SOX5: variants seen among roughly 807,000 people sequenced by gnomAD.
SOX5 encodes the protein transcription factor SOX-5.
SOX5 carries 9 observed loss-of-function variants against 92.0 expected under a neutral mutation model. That is an observed-to-expected ratio of 0.10 (90% confidence interval 0.06 to 0.17). SOX5 has a LOEUF of 0.17. SOX5 is among the 10% of genes least tolerant of loss of function. The pLI is 1.00. For missense variants in SOX5, 642 were observed against 944.5 expected (o/e 0.68, Z 4.20); for synonymous variants, 344 against 336.3 (o/e 1.02, Z -0.25).
At chr12:24,456,730 G>A (rs1943060950) in intron 1 of SOX5, among the ~76,000 whole-genome samples, 1 of 152,158 alleles carries the variant, frequency 6.6e-6, no homozygotes, top group African/African-American at 2.4e-5. Context: ...GGCTCACCAA[G>A]TTTGCAAATG....
At chr12:23,750,784 T>A (rs2094155904) in intron 4 of SOX5, among the ~76,000 whole-genome samples, 1 of 151,870 alleles carries the variant, frequency 6.6e-6, no homozygotes, top group African/African-American at 2.4e-5. Flanking sequence ...CCTTAAAAAG[T>A]ACAAAGTATA....
At chr12:23,850,634 T>C (rs1243830452) in intron 2 of SOX5, among the ~76,000 whole-genome samples, 1 of 151,984 alleles carries the variant, frequency 6.6e-6, no homozygotes, top group Non-Finnish European at 1.5e-5. Context: ...TTCTGCCAAA[T>C]TAGGAGGTAC....
intron 4 of SOX5, among the ~76,000 whole-genome samples, chr12:23,990,951 G>T (rs915860071): frequency 6.6e-6 from 1 of 151,952 alleles, no homozygotes; most frequent in Non-Finnish European, 1.5e-5. Flanking sequence ...CTATGATACT[G>T]ATAGACTTAA....
intron 3 of SOX5, among the ~76,000 whole-genome samples, chr12:23,773,130 T>G (rs535395424): frequency 1.6e-4 from 25 of 152,300 alleles, no homozygotes; most frequent in African/African-American, 6.0e-4. Context: ...CATCATCTTT[T>G]AAATCATTGT....
chr12:24,346,320 C>G (rs16927488), intron 2 of SOX5, among the ~76,000 whole-genome samples: 8,766 of 152,020 alleles, frequency 0.058, 819 homozygotes, highest in African/African-American at 0.19. Flanking sequence ...AAAAATATTT[C>G]AAAGGAGGAT....
chr12:24,263,527 C>CAAAAAAAAAAAAAAAA (rs386375915), intron 3 of SOX5, among the ~76,000 whole-genome samples: 6 of 63,228 alleles, frequency 9.5e-5, no homozygotes, highest in Non-Finnish European at 1.4e-4. Context: ...GACTCCGTCT[C>CAAAAAAAAAAAAAAAA]AAAAAAAAAA....
At chr12:23,687,828 G>A (rs2087895638) in intron 6 of SOX5, among the ~76,000 whole-genome samples, 1 of 151,860 alleles carries the variant, frequency 6.6e-6, no homozygotes, top group Non-Finnish European at 1.5e-5. Flanking sequence ...ACGAAGCACT[G>A]GGGACTATTT....
chr12:24,230,629 A>T (rs949520883), intron 3 of SOX5: 1 of 152,202 alleles, frequency 6.6e-6, no homozygotes, highest in African/African-American at 2.4e-5. Flanking sequence ...GGAATGAAAG[A>T]AAATGGACAA....
intron 4 of SOX5, among the ~76,000 whole-genome samples, chr12:24,174,083 C>T (rs1239137343): frequency 1.3e-5 from 2 of 151,920 alleles, no homozygotes; most frequent in Non-Finnish European, 2.9e-5. Context: ...CTGCAACCTA[C>T]GCCTCCTGGG....
upstream of SOX5, among the ~76,000 whole-genome samples, chr12:23,952,870 T>C (rs752633619): frequency 5.9e-5 from 9 of 152,172 alleles, no homozygotes; most frequent in Admixed American, 1.3e-4. Context: ...AACTGGTTAG[T>C]AGCCCATTTG....
intron 6 of SOX5, among the ~76,000 whole-genome samples, chr12:23,689,897 C>T (rs1480468656): frequency 6.6e-6 from 1 of 152,128 alleles, no homozygotes; most frequent in Non-Finnish European, 1.5e-5. Flanking sequence ...GGCACTGAGG[C>T]TACCTGGAGG....
chr12:23,666,906 C>T (rs575149229), intron 6 of SOX5, among the ~76,000 whole-genome samples: 13 of 152,298 alleles, frequency 8.5e-5, no homozygotes, highest in South Asian at 2.1e-4. Flanking sequence ...TTTTCCCAGT[C>T]GCATTACACA....
intron 4 of SOX5, among the ~76,000 whole-genome samples, chr12:24,014,960 A>T (rs1357761733): frequency 6.6e-6 from 1 of 152,082 alleles, no homozygotes; most frequent in Non-Finnish European, 1.5e-5. Context: ...TTTGGAGCTT[A>T]TCTCTTTCAT....
intron 3 of SOX5, among the ~76,000 whole-genome samples, chr12:23,773,159 T>A (rs1328250261): frequency 6.6e-6 from 1 of 152,148 alleles, no homozygotes; most frequent in Non-Finnish European, 1.5e-5. Context: ...GCTAAAAGTT[T>A]TAAGCATGAC....
At chr12:24,170,560 C>G (rs185689333) in intron 4 of SOX5, among the ~76,000 whole-genome samples, 2 of 152,260 alleles carry the variant, frequency 1.3e-5, no homozygotes, top group Non-Finnish European at 2.9e-5. Context: ...GCATTTGCAG[C>G]CCACTGCACA....
At chr12:24,003,051 TC>T (rs1275202938) in intron 4 of SOX5, among the ~76,000 whole-genome samples, 1 of 152,112 alleles carries the variant, frequency 6.6e-6, no homozygotes, top group Non-Finnish European at 1.5e-5. Flanking sequence ...AATAGAACAA[TC>T]AATGAAAATT....
chr12:24,167,748 T>C (rs1476334637), intron 4 of SOX5, among the ~76,000 whole-genome samples: 1 of 152,278 alleles, frequency 6.6e-6, no homozygotes, highest in African/African-American at 2.4e-5. Context: ...GAGCTCTTTA[T>C]TTTCTTAACA....
At chr12:23,765,685 A>C (rs1332388741) in intron 3 of SOX5, among the ~76,000 whole-genome samples, 3 of 152,114 alleles carry the variant, frequency 2.0e-5, no homozygotes, top group African/African-American at 7.2e-5. Context: ...TTTTAATGGC[A>C]TAAAGTACCA....
intron 3 of SOX5, among the ~76,000 whole-genome samples, chr12:24,274,131 T>C (rs913718253): frequency 6.6e-6 from 1 of 152,196 alleles, no homozygotes; most frequent in Non-Finnish European, 1.5e-5. Flanking sequence ...CATATATCCA[T>C]AAGGTCATGT....
Sources: allele counts gnomAD v4.1 joint callset (sites outside exome capture counted in the v4.1 genomes callset), GRCh38; gene constraint gnomAD v4.1.1; transcripts MANE v1.5; gene names NCBI Gene and HGNC (gene_info 2026-07-23, HGNC 2026-07-21).